RIF1: variants seen among roughly 807,000 people sequenced by gnomAD.
RIF1 encodes replication timing regulatory factor 1.
In RIF1, 45 loss-of-function variants were observed where a neutral mutation model predicts 247.1. The ratio of observed to expected loss-of-function variants is 0.18; its 90% CI spans 0.14 to 0.23. The LOEUF is 0.23. Among genes scored for constraint, RIF1 ranks in the 10% least tolerant of loss-of-function variants. RIF1 has a pLI of 1.00. For missense variants in RIF1, 2,967 were observed against 2,862.5 expected, an observed-to-expected ratio of 1.04 and a Z score of -0.83; for synonymous variants, 1,087 against 978.8, an observed-to-expected ratio of 1.11 and a Z score of -2.06.
At chr2:151,411,854 A>G (rs974833071) in intron 3 of RIF1, among the ~76,000 whole-genome samples, 1 of 152,198 alleles carries the variant, frequency 6.6e-6, no homozygotes, top group African/African-American at 2.4e-5. Context: ...TTAACTCTCC[A>G]TGGTTCCATG....
chr2:151,436,540 CAA>C (rs561444176), intron 11 of RIF1, among the ~76,000 whole-genome samples: 59 of 60,810 alleles, frequency 9.7e-4, no homozygotes, highest in Middle Eastern at 0.011. Context: ...GACTCTGTCT[CAA>C]AAAAAAAAAA....
chr2:151,411,142 G>T lies in RIF1; in HGVS notation c.105-118G>T, dbSNP rs541988410. On this transcript the variant is annotated intron_variant, in intron 2 of 35. Coordinates refer to ENST00000444746, the MANE Select transcript of RIF1 (RefSeq NM_018151.5). ...ATACCCTTAAGGACCTTACCTACTG[G>T]GTCAATTCATTTGCAGGAGTTAGAA... is the stretch of plus-strand genomic sequence containing the variant. The T allele has an allele frequency of 1.6e-4, 103 of 658,054 alleles. No homozygotes were observed. The East Asian group carries it at 2.7e-3, about 17-fold the overall frequency. 40.8% of individuals were successfully genotyped at this position (658,054 alleles called of 1,614,324 possible).
chr2:151,463,307 C>G lies in RIF1; in HGVS notation c.3787C>G (p.Pro1263Ala). 1.2e-6 allele frequency: 2 copies of G among 1,612,748 alleles called. No individual in the cohort carries two copies. Among genetic ancestry groups the G allele is most frequent in the Non-Finnish European group, 8.5e-7 (1 of 1,179,700 alleles). The change falls in exon 30 of 36, where the codon CCA (proline) becomes GCA (alanine). Residue 1263 changes from proline to alanine, a missense_variant. Pro to Ala is a conservative substitution (Grantham distance 27). This residue lies in a region of RIF1 where 2,028 missense variants were observed against 1,825.6 expected (regional missense o/e 1.11). Coordinates refer to ENST00000444746, the MANE Select transcript of RIF1 (RefSeq NM_018151.5). Reference sequence around the variant, plus strand: ...AACCATGATTAAAACAGATTTTCTACCAAAAGCAAAGCAAAGAGAAGGGAC... The same window carrying G: ...AACCATGATTAAAACAGATTTTCTAGCAAAAGCAAAGCAAAGAGAAGGGAC... The part of the protein sequence containing the change: ...QETMIKTDFL[P>A]KAKQREGTFS...
chr2:151,527,883 T>C, the RIF1 span, among the ~76,000 whole-genome samples: 1 of 152,138 alleles, frequency 6.6e-6, no homozygotes, highest in African/African-American at 2.4e-5. Flanking sequence ...CAGAATCGAG[T>C]ACTTTTAATT....
intron 20 of RIF1, among the ~76,000 whole-genome samples, chr2:151,447,648 C>T (rs1038635708): frequency 1.6e-4 from 24 of 152,328 alleles, no homozygotes; most frequent in African/African-American, 5.3e-4. Flanking sequence ...TGGGTTCAAG[C>T]GATTCTTCTG....
intron 11 of RIF1, among the ~76,000 whole-genome samples, chr2:151,501,193 G>A (rs1326260521): frequency 6.6e-6 from 1 of 152,016 alleles, no homozygotes; most frequent in Non-Finnish European, 1.5e-5. Flanking sequence ...AAGTTTTAAG[G>A]GACTATTATA....
intron 8 of RIF1, among the ~76,000 whole-genome samples, chr2:151,424,749 A>T (rs1573909420): frequency 6.7e-6 from 1 of 148,864 alleles, no homozygotes; most frequent in African/African-American, 2.5e-5. Flanking sequence ...GCTCACTGCA[A>T]CCTCTGTCTC....
chr2:151,412,860 G>T (rs1350626332), intron 3 of RIF1, among the ~76,000 whole-genome samples: 1 of 152,026 alleles, frequency 6.6e-6, no homozygotes, highest in Non-Finnish European at 1.5e-5. Context: ...CAGAGATACT[G>T]CCTACTCTTG....
chr2:151,495,719 C>G (rs2059732006), intron 10 of RIF1, among the ~76,000 whole-genome samples: 1 of 137,422 alleles, frequency 7.3e-6, no homozygotes, highest in African/African-American at 2.7e-5. Flanking sequence ...AAAAGCCATT[C>G]TGGTGACACT....
chr2:151,524,562 G>A, the RIF1 span: 4 of 1,611,852 alleles, frequency 2.5e-6, no homozygotes, highest in Non-Finnish European at 3.4e-6. Flanking sequence ...ATGTCTGGTC[G>A]ATCAGCCACT....
chr2:151,518,331 T>C, the RIF1 span: 7 of 1,604,606 alleles, frequency 4.4e-6, no homozygotes. Flanking sequence ...ACTCTGTAAT[T>C]CTGTGGCCTC....
chr2:151,476,294 T>C lies in RIF1; in HGVS notation c.*1223T>C, dbSNP rs2048925102. Reference sequence around the variant, plus strand: ...TTGAAACTGATGTTTTTAATATATGTCTGTGTTGCCTAGGTTTTCTTTTTT... The same window carrying C: ...TTGAAACTGATGTTTTTAATATATGCCTGTGTTGCCTAGGTTTTCTTTTTT... On this transcript the variant is annotated 3_prime_UTR_variant, in exon 36 of 36. Transcript: ENST00000444746. 6.6e-6 allele frequency: 1 copy of C among 152,210 alleles called. No homozygotes were observed. Among genetic ancestry groups the C allele is most frequent in the African/African-American group, 2.4e-5 (1 of 41,448 alleles). The allele number at this position is 152,210 out of a possible 1,614,324, so 9.4% of individuals were successfully genotyped here. A position where few individuals can be genotyped will look rare whatever the true frequency, so the allele number is the denominator to read the frequency against.
chr2:151,481,537 C>A lies in RIF1; in HGVS notation c.*6466C>A, dbSNP rs756333568. The A allele has an allele frequency of 5.9e-5, 9 of 152,092 alleles. No individual in the cohort carries two copies. The highest frequency in any genetic ancestry group is 9.7e-5 in the African/African-American group (4 of 41,404). The allele number at this position is 152,092 out of a possible 1,614,324, so 9.4% of individuals were successfully genotyped here. A position where few individuals can be genotyped will look rare whatever the true frequency, so the allele number is the denominator to read the frequency against. On this transcript the variant is annotated 3_prime_UTR_variant, in exon 36 of 36. Coordinates refer to ENST00000444746, the MANE Select transcript of RIF1 (RefSeq NM_018151.5). ...GATGCCAAATCAGTCATTTATTAAC[C>A]CTCTAATATTGTTGTCCCGATCATT...
the RIF1 span, chr2:151,527,102 A>G: frequency 1.1e-6 from 1 of 895,738 alleles, no homozygotes. Flanking sequence ...ACACACAGGG[A>G]GTCCTCTTAA....
intron 7 of RIF1, among the ~76,000 whole-genome samples, chr2:151,421,852 TC>T (rs1400123492): frequency 6.6e-4 from 101 of 152,038 alleles, no homozygotes; most frequent in Middle Eastern, 3.4e-3. Context: ...TTTTTTTTTT[TC>T]GAGACAGTTT....
chr2:151,414,991 C>A, intron 4 of RIF1, 72 bp downstream of exon 4: 2 of 927,226 alleles, frequency 2.2e-6, no homozygotes, highest in South Asian at 3.0e-5. Context: ...TAGTTTGATG[C>A]TGTTAAAAGT....
intron 13 of RIF1, among the ~76,000 whole-genome samples, chr2:151,507,294 G>A (rs1243467212): frequency 6.6e-6 from 1 of 152,214 alleles, no homozygotes; most frequent in African/African-American, 2.4e-5. Context: ...ATGGAAAGCA[G>A]TGATAGTTCA....
intron 11 of RIF1, chr2:151,501,551 A>G (rs1046362166): frequency 5.0e-6 from 4 of 801,372 alleles, no homozygotes; most frequent in Non-Finnish European, 7.3e-6. Flanking sequence ...TTAACCTAAA[A>G]AAACAGCCTA....
At chr2:151,462,137 T>C (rs2152492824) in intron 27 of RIF1, 105 bp from the exon 28 acceptor site, 1 of 656,560 alleles carries the variant, frequency 1.5e-6, no homozygotes, top group Non-Finnish European at 2.4e-6. Flanking sequence ...CCTCCCAAAG[T>C]GCTGGGATTA....
Sources: allele counts gnomAD v4.1 joint callset (sites outside exome capture counted in the v4.1 genomes callset), GRCh38; gene constraint gnomAD v4.1.1; regional missense constraint gnomAD v4.1.1; transcripts MANE v1.5; gene names NCBI Gene and HGNC (gene_info 2026-07-23, HGNC 2026-07-21).